Variants in MKLN1 observed in about 807,000 individuals in gnomAD.
MKLN1 encodes muskelin.
Under a neutral mutation model 99.0 loss-of-function variants are expected in MKLN1, and 18 were observed. The observed-to-expected ratio is 0.18, with a 90% CI of 0.13 to 0.27. MKLN1 has a LOEUF of 0.27. Ranked by LOEUF, MKLN1 falls within the 10% of genes least tolerant of loss-of-function variation. The probability of loss-of-function intolerance (pLI) is 1.00; values close to 1 mark genes in which losing one functional copy is unlikely to be tolerated. For synonymous variants in MKLN1, 288 were observed against 293.2 expected (o/e 0.98, Z 0.18); for missense variants, 621 against 875.9 (o/e 0.71, Z 3.67).
chr7:131,399,528 AT>A (rs560176377), intron 6 of MKLN1, 95 bp downstream of exon 6: 679 of 1,081,162 alleles, frequency 6.3e-4, no homozygotes, highest in Admixed American at 2.4e-3. Context: ...TATTACTGTA[AT>A]TTTTTTTCTT....
At chr7:131,275,181 A>C (rs1797941572) in intron 3 of MKLN1, among the ~76,000 whole-genome samples, 1 of 152,026 alleles carries the variant, frequency 6.6e-6, no homozygotes, top group Non-Finnish European at 1.5e-5. Context: ...AGTTCTGGTA[A>C]GGGCATCTTC....
At chr7:131,345,292 A>G (rs1056387577) in intron 1 of MKLN1, among the ~76,000 whole-genome samples, 1 of 152,184 alleles carries the variant, frequency 6.6e-6, no homozygotes, top group African/African-American at 2.4e-5. Flanking sequence ...GCATTATGTT[A>G]ATATATACTT....
chr7:131,350,136 TAA>T (rs1390080208), intron 1 of MKLN1, among the ~76,000 whole-genome samples: 1 of 152,174 alleles, frequency 6.6e-6, no homozygotes, highest in Non-Finnish European at 1.5e-5. Flanking sequence ...AAAGTAAATA[TAA>T]GTTATGTTAT....
At chr7:131,272,671 G>A (rs1299894555) in intron 3 of MKLN1, among the ~76,000 whole-genome samples, 1 of 152,188 alleles carries the variant, frequency 6.6e-6, no homozygotes. Flanking sequence ...CACATGGCTG[G>A]GGAGGCCTCA....
chr7:131,210,441 A>G (rs1398456857), intron 3 of MKLN1, among the ~76,000 whole-genome samples: 1 of 151,850 alleles, frequency 6.6e-6, no homozygotes, highest in Non-Finnish European at 1.5e-5. Flanking sequence ...CTGAGGCAGG[A>G]GAATGGCTGG....
intron 2 of MKLN1, among the ~76,000 whole-genome samples, chr7:131,173,441 G>C (rs114623622): frequency 2.0e-5 from 3 of 152,134 alleles, no homozygotes; most frequent in African/African-American, 7.2e-5. Flanking sequence ...AGTCTTGGCC[G>C]GGCGTGGTGG....
At chr7:131,451,331 A>G (rs939785951) in intron 12 of MKLN1, among the ~76,000 whole-genome samples, 1 of 151,968 alleles carries the variant, frequency 6.6e-6, no homozygotes, top group Non-Finnish European at 1.5e-5. Flanking sequence ...TTTATCTGTG[A>G]TTCAGTAATG....
chr7:131,214,228 T>G (rs977375738), intron 3 of MKLN1, among the ~76,000 whole-genome samples: 1 of 152,198 alleles, frequency 6.6e-6, no homozygotes, highest in African/African-American at 2.4e-5. Context: ...CAAGTATTCA[T>G]GGGTCCTCTG....
At chr7:131,181,436 A>C (rs193288154) in intron 2 of MKLN1, among the ~76,000 whole-genome samples, 2 of 152,316 alleles carry the variant, frequency 1.3e-5, no homozygotes, top group East Asian at 3.9e-4. Flanking sequence ...GGCCAGGCGC[A>C]GTGACTCACA....
chr7:131,350,171 T>C (rs997591768), intron 1 of MKLN1, among the ~76,000 whole-genome samples: 3 of 152,144 alleles, frequency 2.0e-5, no homozygotes, highest in Admixed American at 1.3e-4. Flanking sequence ...TACTTCAGTA[T>C]ACATGAAGAA....
At position 131,443,492 on chromosome 7, in the gene MKLN1, C is replaced by T; in HGVS notation, c.1185C>T (p.Asp395=). ...KLVFDHQMCM[D]SEKHMIYTFG... is the part of the protein sequence containing the mutation. ...CCTTGTTCTGATAGATGTGTATGGA[C>T]TCAGAAAAACATATGATCTACACTT... Residue 395 remains aspartate, a synonymous_variant, in exon 11 of 18, where the codon GAC becomes GAT. Transcript: ENST00000352689. 1.2e-6 allele frequency: 2 copies of T among 1,603,056 alleles called. No individual in the cohort carries two copies. Among genetic ancestry groups the T allele is most frequent in the Non-Finnish European group, 1.7e-6 (2 of 1,173,860 alleles).
At chr7:131,314,482 G>A (rs1798627015) in intron 3 of MKLN1, among the ~76,000 whole-genome samples, 1 of 152,028 alleles carries the variant, frequency 6.6e-6, no homozygotes, top group African/African-American at 2.4e-5. Flanking sequence ...GAATGCAGTG[G>A]TACGATCTCG....
intron 17 of MKLN1, among the ~76,000 whole-genome samples, chr7:131,481,950 A>G (rs1797135582): frequency 1.3e-5 from 2 of 152,310 alleles, no homozygotes; most frequent in South Asian, 4.1e-4. Context: ...AATCAGAAAG[A>G]TGGAAGGTGA....
chr7:131,360,178 A>G (rs138158585), intron 1 of MKLN1, among the ~76,000 whole-genome samples: 1 of 151,826 alleles, frequency 6.6e-6, no homozygotes, highest in African/African-American at 2.4e-5. Context: ...ATATTCACCT[A>G]TTTGTATCTT....
At chr7:131,430,616 A>G (rs1795495551) in intron 9 of MKLN1, among the ~76,000 whole-genome samples, 1 of 152,184 alleles carries the variant, frequency 6.6e-6, no homozygotes, top group South Asian at 2.1e-4. Context: ...CAGTTCTCCA[A>G]GTGCCTGGCA....
rs561896158 is a variant in MKLN1 at position 131,367,849 on chromosome 7, C to T, written c.99-7575C>T. Among the ~76,000 whole-genome samples, 3 of 152,236 alleles carry T rather than the reference C, an allele frequency of 2.0e-5. No homozygotes were observed. In the South Asian group the frequency reaches 6.2e-4, roughly 32 times the overall value. On this transcript the variant is annotated intron_variant, in intron 1 of 17. Coordinates refer to ENST00000352689, the MANE Select transcript of MKLN1 (RefSeq NM_013255.5). ...AAAATCACATGTACAAAGCATATTG[C>T]CTATGATTGCTCCTTCAGTAGAGGC...
intron 8 of MKLN1, among the ~76,000 whole-genome samples, chr7:131,421,106 A>T (rs1795178397): frequency 6.6e-6 from 1 of 152,152 alleles, no homozygotes; most frequent in Non-Finnish European, 1.5e-5. Context: ...AGGTAGAAAA[A>T]CTAAATATAG....
chr7:131,241,892 C>A (rs545470326), intron 3 of MKLN1, among the ~76,000 whole-genome samples: 21 of 152,294 alleles, frequency 1.4e-4, no homozygotes, highest in Admixed American at 3.3e-4. Context: ...ACATTTTGAA[C>A]CTTTTTGTCT....
intron 16 of MKLN1, among the ~76,000 whole-genome samples, chr7:131,472,674 G>A (rs890971446): frequency 2.6e-5 from 4 of 152,094 alleles, no homozygotes; most frequent in East Asian, 1.9e-4. Flanking sequence ...CCCTTGGCTG[G>A]GCGCGGTGGC....
Sources: gnomAD v4.1 joint callset for allele counts (sites outside exome capture counted in the v4.1 genomes callset) on GRCh38, gnomAD v4.1.1 for gene constraint, MANE v1.5 for transcripts, NCBI Gene and HGNC (gene_info 2026-07-23, HGNC 2026-07-21) for gene names.